Variants in USP10 observed in about 807,000 individuals in gnomAD.
The protein encoded by USP10 is ubiquitin specific peptidase 10.
USP10 carries 22 observed loss-of-function variants against 84.5 expected under a neutral mutation model. That is an observed-to-expected ratio of 0.26 (90% CI 0.19 to 0.37). The LOEUF (loss-of-function observed/expected upper bound fraction) is 0.37, where lower values mean the gene tolerates loss of function less well. USP10 is among the 10% of genes least tolerant of loss of function. USP10 has a pLI of 1.00. For synonymous variants in USP10, 454 were observed against 387.6 expected (o/e 1.17, Z -2.01); for missense variants, 1,019 against 998.9 (o/e 1.02, Z -0.27).
chr16:84,775,286 G>C (rs759734784), intron 13 of USP10, 61 bp downstream of exon 13: 115 of 1,560,720 alleles, frequency 7.4e-5, no homozygotes, highest in Non-Finnish European at 9.9e-5. Context: ...GTTTACAGCT[G>C]GGCACAGGTT....
rs763835263 is a variant in USP10, at chr16:84,744,847, C to T, written c.366C>T (p.Leu122=). Reference sequence around the variant, plus strand: ...ACTGCCAGTACCCAGGCTCTGCCCTCGCTTTGGATGGAAGTTCTAATGTGG... The same window carrying T: ...ACTGCCAGTACCCAGGCTCTGCCCTTGCTTTGGATGGAAGTTCTAATGTGG... ...SIDCQYPGSA[L]ALDGSSNVEA... Residue 122 remains leucine (L), a synonymous_variant, in exon 4 of 14, where the codon CTC becomes CTT. Transcript: ENST00000219473. 5.0e-6 allele frequency: 8 copies of T among 1,613,678 alleles called. No homozygotes were observed. The East Asian group carries it at 6.7e-5, about 13-fold the overall frequency.
At chr16:84,704,127 T>C (rs574028070) in intron 1 of USP10, among the ~76,000 whole-genome samples, 3 of 152,240 alleles carry the variant, frequency 2.0e-5, no homozygotes, top group Admixed American at 6.5e-5. Flanking sequence ...TCATCTCCAA[T>C]TGAATTAGTT....
chr16:84,731,161 A>T (rs1909175194), intron 1 of USP10, among the ~76,000 whole-genome samples: 1 of 151,528 alleles, frequency 6.6e-6, no homozygotes, highest in Admixed American at 6.6e-5. Context: ...TTGTATTTTT[A>T]GTAGAGACGG....
At chr16:84,739,403 CT>C (rs1910354603) in intron 2 of USP10, among the ~76,000 whole-genome samples, 3 of 152,126 alleles carry the variant, frequency 2.0e-5, no homozygotes, top group Non-Finnish European at 4.4e-5. Context: ...TCCCAAGTAG[CT>C]GGGATTACAG....
At chr16:84,772,898 T>C (rs1049568379) in intron 12 of USP10, among the ~76,000 whole-genome samples, 1 of 151,870 alleles carries the variant, frequency 6.6e-6, no homozygotes, top group Non-Finnish European at 1.5e-5. Flanking sequence ...AACTAAACTC[T>C]ATAATCTTAC....
At chr16:84,763,359 T>C (rs916934494) in intron 9 of USP10, among the ~76,000 whole-genome samples, 1 of 152,214 alleles carries the variant, frequency 6.6e-6, no homozygotes, top group African/African-American at 2.4e-5. Flanking sequence ...ACCTTTATAA[T>C]TGCCGAGTGT....
chr16:84,737,393 C>A (rs1159111483), intron 2 of USP10, among the ~76,000 whole-genome samples: 1 of 152,194 alleles, frequency 6.6e-6, no homozygotes, highest in African/African-American at 2.4e-5. Context: ...AATGAGTGAA[C>A]TTCGAACCAT....
intron 1 of USP10, among the ~76,000 whole-genome samples, chr16:84,703,878 A>C (rs539026551): frequency 1.3e-5 from 2 of 152,340 alleles, no homozygotes; most frequent in Non-Finnish European, 2.9e-5. Flanking sequence ...CTGAAATTCC[A>C]GTGAATACTA....
chr16:84,758,447 A>G (rs746242091), intron 4 of USP10, among the ~76,000 whole-genome samples: 1 of 152,196 alleles, frequency 6.6e-6, no homozygotes. Context: ...TTCTCATTAA[A>G]ATAGGTAGTT....
intron 1 of USP10, among the ~76,000 whole-genome samples, chr16:84,711,719 C>CTTTTTTTTTT (rs10706586): frequency 3.5e-5 from 4 of 114,276 alleles, no homozygotes; most frequent in African/African-American, 3.7e-5. Context: ...GAAGGGCTAG[C>CTTTTTTTTTT]TTTTTTTTTT....
chr16:84,714,784 GAT>G (rs1465905830), intron 1 of USP10, among the ~76,000 whole-genome samples: 1 of 151,736 alleles, frequency 6.6e-6, no homozygotes, highest in Non-Finnish European at 1.5e-5. Flanking sequence ...AAGGGAGAGA[GAT>G]ATTTTGCTAA....
At position 84,711,039 on chromosome 16, in the gene USP10, G is replaced by A. The variant is rs139728356; in HGVS notation, c.21+10928G>A. On this transcript the variant is annotated intron_variant, in intron 1 of 13. Coordinates refer to ENST00000219473, the MANE Select transcript of USP10 (RefSeq NM_005153.3). ...CTGAGTGTGATACTCACTTATTTTA[G>A]CGCCGAGTGGAATGGTGGAACAGTT... Among the ~76,000 whole-genome samples the A allele has an allele frequency of 1.1e-4, 17 of 152,248 alleles. No individual in the cohort carries two copies. The East Asian group carries it at 3.3e-3, about 29-fold the overall frequency.
intron 1 of USP10, among the ~76,000 whole-genome samples, chr16:84,707,688 T>C (rs988361280): frequency 8.5e-5 from 13 of 152,216 alleles, no homozygotes; most frequent in Non-Finnish European, 1.3e-4. Flanking sequence ...ATTCTGGAGA[T>C]TGAAGTGACT....
chr16:84,716,175 T>TC (rs1361100928), intron 1 of USP10: 1 of 152,198 alleles, frequency 6.6e-6, no homozygotes, highest in Non-Finnish European at 1.5e-5. Flanking sequence ...GTAATGTCTC[T>TC]CCCCCCTCTC....
At chr16:84,776,871 G>T (rs1412925132) in intron 13 of USP10, among the ~76,000 whole-genome samples, 2 of 152,182 alleles carry the variant, frequency 1.3e-5, no homozygotes, top group Non-Finnish European at 2.9e-5. Context: ...GGAGTGCAGT[G>T]GCACAGTCTC....
chr16:84,762,682 CT>C (rs1441058102), intron 8 of USP10, among the ~76,000 whole-genome samples: 3 of 136,184 alleles, frequency 2.2e-5, no homozygotes, highest in Non-Finnish European at 4.7e-5. Context: ...CGGAATGAGA[CT>C]TTGTCTCAAA....
At chr16:84,745,999 A>G (rs1010288285) in intron 4 of USP10, among the ~76,000 whole-genome samples, 1 of 152,134 alleles carries the variant, frequency 6.6e-6, no homozygotes, top group East Asian at 1.9e-4. Context: ...TTTTTCTGTG[A>G]TATACCTTTG....
rs528190765 is a variant in USP10 at position 84,712,056 on chromosome 16, G to C, written c.21+11945G>C. Among the ~76,000 whole-genome samples, 4 of 152,264 alleles carry C rather than the reference G, an allele frequency of 2.6e-5. No individual in the cohort carries two copies. In the East Asian group the frequency reaches 7.7e-4, roughly 29 times the overall value. On this transcript the variant is annotated intron_variant, in intron 1 of 13. Transcript: ENST00000219473. ...TTAAGGTGGACAGAAACACCTTGCAGCTGTGCTTCGTTGCCCTTGCTGCTT... is the reference window on the plus strand; with the variant it reads ...TTAAGGTGGACAGAAACACCTTGCACCTGTGCTTCGTTGCCCTTGCTGCTT...
intron 1 of USP10, among the ~76,000 whole-genome samples, chr16:84,717,604 A>C (rs890680277): frequency 6.6e-6 from 1 of 152,186 alleles, no homozygotes; most frequent in East Asian, 1.9e-4. Context: ...GGTGCCAAGC[A>C]TTTTACTAGG....
Sources: gnomAD v4.1 joint callset for allele counts (sites outside exome capture counted in the v4.1 genomes callset) on GRCh38, gnomAD v4.1.1 for gene constraint, MANE v1.5 for transcripts, NCBI Gene and HGNC (gene_info 2026-07-23, HGNC 2026-07-21) for gene names.